The following TSPOAP1 variants were observed in gnomAD, a reference collection of about 807,000 sequenced individuals.
The protein encoded by TSPOAP1 is TSPO associated protein 1.
TSPOAP1 carries 87 observed loss-of-function variants against 197.0 expected under a neutral mutation model. The ratio of observed to expected loss-of-function variants is 0.44; its 90% CI spans 0.37 to 0.53. TSPOAP1 has a LOEUF of 0.53. Among genes scored for constraint, TSPOAP1 ranks in the 20% least tolerant of loss-of-function variants. TSPOAP1 has a pLI of 0.00. For missense variants in TSPOAP1, 2,174 were observed against 2,411.3 expected, an observed-to-expected ratio of 0.90 and a Z score of 2.06; for synonymous variants, 913 against 998.9, an observed-to-expected ratio of 0.91 and a Z score of 1.62.
intron 1 of TSPOAP1, among the ~76,000 whole-genome samples, chr17:58,327,074 C>T (rs1971640928): frequency 6.6e-6 from 1 of 152,134 alleles, no homozygotes; most frequent in Admixed American, 6.5e-5. Context: ...AGCTCGAGCT[C>T]CCACTCCCAT....
Position 58,312,334 on chromosome 17 carries a change from C to G in TSPOAP1, c.2487G>C (p.Gly829=). The G allele has an allele frequency of 6.2e-7, 1 of 1,612,640 alleles. No homozygotes were observed. Among genetic ancestry groups the G allele is most frequent in the Non-Finnish European group, 8.5e-7 (1 of 1,179,630 alleles). Residue 829 remains glycine (G), a synonymous_variant, in exon 17 of 32, where the codon GGG becomes GGC. Transcript: ENST00000343736. ...CAGGCCCCAGGGCCTGTCGCAGCTC[C>G]CCATTCACACAGATATGGAAGCCGT... The part of the protein sequence containing the change: ...ELHGFHICVN[G]ELRQALGPGA...
chr17:58,304,332 A>C lies in TSPOAP1; in HGVS notation c.*32+6T>G. 1 of 1,612,628 alleles carries C rather than the reference A, an allele frequency of 6.2e-7. No individual in the cohort carries two copies. Among genetic ancestry groups the C allele is most frequent in the Non-Finnish European group, 8.5e-7 (1 of 1,178,788 alleles). On this transcript the variant is annotated splice_donor_region_variant and intron_variant, in intron 31 of 31. Coordinates refer to ENST00000343736, the MANE Select transcript of TSPOAP1 (RefSeq NM_004758.4). The surrounding 1 kb of genome is among the most constrained non-coding windows in gnomAD (Gnocchi z 4.2). ...CGGTCACACAGGGGGGCAGTCCCCCACTTACATGTTGCTCTCTCTACATAT... is the reference window on the plus strand; with the variant it reads ...CGGTCACACAGGGGGGCAGTCCCCCCCTTACATGTTGCTCTCTCTACATAT...
At position 58,318,425 on chromosome 17, in the gene TSPOAP1, C is replaced by T. The variant is rs1598072351; in HGVS notation, c.1727G>A (p.Gly576Glu). 8 of 1,613,516 alleles carry T rather than the reference C, an allele frequency of 5.0e-6. No individual in the cohort carries two copies. The African/African-American group carries it at 9.3e-5, about 19-fold the overall frequency. The change falls in exon 14 of 32, where the codon GGG becomes GAG. Residue 576 changes from glycine to glutamate, a missense_variant. Physicochemically the swap from Gly to Glu is moderately conservative, Grantham distance 98 (BLOSUM62 -2). Transcript: ENST00000343736. ...KDLDLPPGSP[G>E]RCTPKSSEPA... ...CTCGGAAGACTTTGGGGTGCAGCGC[C>T]CAGGGGAGCCCGGCGGGAGGTCAAG...
rs150442801 is a variant in TSPOAP1 at position 58,322,223 on chromosome 17, C to T, written c.1422+85G>A. ...GTCTCCCCGACGCCTAGCACAGTGC[C>T]GGGCACACAGTAAATGCTTGTGGAA... is the stretch of plus-strand genomic sequence containing the variant. On this transcript the variant is annotated intron_variant, in intron 10 of 31. Coordinates refer to ENST00000343736, the MANE Select transcript of TSPOAP1 (RefSeq NM_004758.4). The surrounding 1 kb of genome is among the most constrained non-coding windows in gnomAD (Gnocchi z 5.0). 5.3e-4 allele frequency: 723 copies of T among 1,372,484 alleles called. 1 individual carries two copies. In the African/African-American group the frequency reaches 8.8e-3, roughly 17 times the overall value. 85.0% of individuals were successfully genotyped at this position (1,372,484 alleles called of 1,614,324 possible).
rs1567852961 is a variant in TSPOAP1 at position 58,326,768 on chromosome 17, C to G, written c.356G>C (p.Gly119Ala). ...FLKAKLNMSFGDRPNLELLRA... is the reference protein window; with the variant it reads ...FLKAKLNMSFADRPNLELLRA... ...CAGCAGCTCCAGATTGGGCCTGTCC[C>G]CAAAGCTCATATTCAGCTTGGCCTG... is the stretch of plus-strand genomic sequence containing the variant. The change falls in exon 2 of 32, where the codon GGG becomes GCG. Residue 119 changes from glycine to alanine, a missense_variant. Around this residue, in one of 5 missense-constraint regions of TSPOAP1, gnomAD observed 1,933 missense variants for 2,139.0 expected, o/e 0.90. Transcript: ENST00000343736. This position sits in a 1 kb window ranked among gnomAD's most constrained non-coding sequence, Gnocchi z 4.7. 1 of 1,614,088 alleles carries G rather than the reference C, an allele frequency of 6.2e-7. No individual in the cohort carries two copies. Among genetic ancestry groups the G allele is most frequent in the Non-Finnish European group, 8.5e-7 (1 of 1,180,004 alleles).
At chr17:58,315,932 A>ATGG (rs1567845184) in intron 16 of TSPOAP1, 91 bp downstream of exon 16, 43 of 608,918 alleles carry the variant, frequency 7.1e-5, no homozygotes, top group African/African-American at 9.8e-5. Flanking sequence ...TGGATGGATG[A>ATGG]ATGGATGGAT....
Position 58,324,668 on chromosome 17 carries a change from C to T in TSPOAP1, c.942+143G>A. On this transcript the variant is annotated intron_variant, in intron 5 of 31. Transcript: ENST00000343736. The surrounding 1 kb of genome is among the most constrained non-coding windows in gnomAD (Gnocchi z 5.8). ...GCTTGGAGGTGGACCCTGCCCAGGA[C>T]GGGAAAGCTCCCCAGCCCCTGGGAG... is the stretch of plus-strand genomic sequence containing the variant. The T allele has an allele frequency of 1.5e-6, 1 of 679,724 alleles. No individual in the cohort carries two copies. Among genetic ancestry groups the T allele is most frequent in the Middle Eastern group, 4.4e-4 (1 of 2,266 alleles). The allele number at this position is 679,724 out of a possible 1,614,324, so 42.1% of individuals were successfully genotyped here.
chr17:58,312,358 G>A lies in TSPOAP1; in HGVS notation c.2463C>T (p.His821=), dbSNP rs201065866. Residue 821 remains histidine (H), a synonymous_variant, in exon 17 of 32, where the codon CAC becomes CAT. Transcript: ENST00000343736. ...WEPPPEQVEL[H]GFHICVNGEL... ...CCCCATTCACACAGATATGGAAGCC[G>A]TGTAGCTCCACTTGCTCAGGAGGCG... 1.5e-5 allele frequency: 24 copies of A among 1,612,168 alleles called. No individual in the cohort carries two copies. The highest frequency in any genetic ancestry group is 6.7e-5 in the East Asian group (3 of 44,862).
chr17:58,307,084 C>T, intron 24 of TSPOAP1, 116 bp from the exon 25 acceptor site: 1 of 1,147,116 alleles, frequency 8.7e-7, no homozygotes, highest in Non-Finnish European at 1.2e-6. Context: ...TTTTGTATGC[C>T]ATGAAATGGG....
intron 15 of TSPOAP1, 106 bp downstream of exon 15, chr17:58,316,319 C>T: frequency 8.7e-7 from 1 of 1,152,800 alleles, no homozygotes; most frequent in Non-Finnish European, 1.3e-6. Flanking sequence ...TCCATTGTGT[C>T]CTGTACTGCC....
chr17:58,308,870 C>T lies in TSPOAP1; in HGVS notation c.4402G>A (p.Gly1468Ser), dbSNP rs61730226. The T allele has an allele frequency of 9.7e-5, 156 of 1,605,354 alleles. 1 individual carries two copies. In the Middle Eastern group the frequency reaches 1.2e-3, roughly 12 times the overall value. ...PRTGLEASGR[G>S]RLGPSRRCSR... Reference sequence around the variant, plus strand: ...CACCTCCGGGAAGGGCCCAGCCGGCCTCTCCCGCTAGCCTCTAGTCCAGTC... The same window carrying T: ...CACCTCCGGGAAGGGCCCAGCCGGCTTCTCCCGCTAGCCTCTAGTCCAGTC... The change falls in exon 22 of 32, where the codon GGC (glycine) becomes AGC (serine). Residue 1468 changes from glycine (G) to serine (S), a missense_variant. Physicochemically the swap from Gly to Ser is moderately conservative, Grantham distance 56 (BLOSUM62 0). Coordinates refer to ENST00000343736, the MANE Select transcript of TSPOAP1 (RefSeq NM_004758.4).
rs1315716606 is a variant in TSPOAP1, at chr17:58,304,539, T to A, written c.5545-140A>T. On this transcript the variant is annotated intron_variant, in intron 30 of 31. Transcript: ENST00000343736. The surrounding 1 kb of genome is among the most constrained non-coding windows in gnomAD (Gnocchi z 4.2). The stretch of plus-strand genomic sequence containing the variant: ...TCACACATGGAAGCCCTGAGTTTTC[T>A]GGCTGGGGCTTGGCCTCTTCACCCT... The A allele has an allele frequency of 5.6e-6, 4 of 708,934 alleles. No homozygotes were observed. Among genetic ancestry groups the A allele is most frequent in the Non-Finnish European group, 1.0e-5 (4 of 390,518 alleles). 43.9% of individuals were successfully genotyped at this position (708,934 alleles called of 1,614,324 possible). A position where few individuals can be genotyped will look rare whatever the true frequency, so the allele number is the denominator to read the frequency against.
In TSPOAP1 at chr17:58,312,252, T is replaced by C. The variant is rs145049537; in HGVS notation, c.2569A>G (p.Ile857Val). 2.5e-3 allele frequency: 4,099 copies of C among 1,612,470 alleles called. 36 individuals are homozygous for C. The highest frequency in any genetic ancestry group is 0.013 in the South Asian group (1,203 of 91,038). The change falls in exon 17 of 32, where the codon ATT becomes GTT. Residue 857 changes from isoleucine (I) to valine (V), a missense_variant. Ile to Val is a conservative substitution (Grantham distance 29). Around this residue, in one of 5 missense-constraint regions of TSPOAP1, gnomAD observed 1,933 missense variants for 2,139.0 expected, o/e 0.90. Coordinates refer to ENST00000343736, the MANE Select transcript of TSPOAP1 (RefSeq NM_004758.4). ...NLDLWAGPLH[I>V]SVQALTSRGS... ...CGGCTAGTCAGGGCCTGGACAGAAA[T>C]GTGAAGGGGCCCGGCCCACAGGTCC...
At chr17:58,305,003 C>T (rs1253296576) in intron 30 of TSPOAP1, 58 bp downstream of exon 30, 2 of 1,364,126 alleles carry the variant, frequency 1.5e-6, no homozygotes, top group Non-Finnish European at 2.1e-6. Context: ...CCTGGCCCTA[C>T]CACCCCACCA....
intron 20 of TSPOAP1, 124 bp downstream of exon 20, chr17:58,310,388 A>G (rs1318414889): frequency 1.3e-5 from 18 of 1,422,168 alleles, no homozygotes; most frequent in African/African-American, 4.3e-5. Flanking sequence ...TAGCACAGCC[A>G]AAGGTGTGAG....
chr17:58,318,132 G>T, intron 14 of TSPOAP1, 148 bp downstream of exon 14: 1 of 1,018,374 alleles, frequency 9.8e-7, no homozygotes, highest in Non-Finnish European at 1.4e-6. Context: ...CTCGCCCACA[G>T]GAGGAATCCA....
rs745867748 is a variant in TSPOAP1, at chr17:58,316,037, T to A, written c.2084A>T (p.Asp695Val). 2 of 1,613,810 alleles carry A rather than the reference T, an allele frequency of 1.2e-6. No homozygotes were observed. Among genetic ancestry groups the A allele is most frequent in the Non-Finnish European group, 1.7e-6 (2 of 1,179,842 alleles). Reference sequence around the variant, plus strand: ...TACATTCCTACCTTCAAAAAAGCCATCCTCATCCATGTTGCCATAGATGTA... The same window carrying A: ...TACATTCCTACCTTCAAAAAAGCCAACCTCATCCATGTTGCCATAGATGTA... ...YIYIYGNMDE[D>V]GFFEGELMDG... is the part of the protein sequence containing the mutation. Residue 695 changes from aspartate to valine, a missense_variant, in exon 16 of 32, where the codon GAT becomes GTT. Transcript: ENST00000343736.
intron 31 of TSPOAP1, chr17:58,302,763 C>T (rs1181564579): frequency 6.2e-6 from 1 of 160,956 alleles, no homozygotes; most frequent in Admixed American, 6.0e-5. Flanking sequence ...CCCAAGAGTT[C>T]TTGGAACCTG....
At position 58,304,442 on chromosome 17, in the gene TSPOAP1, C is replaced by G. The variant is rs1235266083; in HGVS notation, c.5545-43G>C. The G allele has an allele frequency of 6.4e-7, 1 of 1,556,852 alleles. No individual in the cohort carries two copies. The highest frequency in any genetic ancestry group is 8.9e-7 in the Non-Finnish European group (1 of 1,128,188). ...AGAGAGGAGATGGGTTACCGACAGA[C>G]CCGCACCTTCTCCGCCCGGCCACCA... On this transcript the variant is annotated intron_variant, in intron 30 of 31. Coordinates refer to ENST00000343736, the MANE Select transcript of TSPOAP1 (RefSeq NM_004758.4). This position sits in a 1 kb window ranked among gnomAD's most constrained non-coding sequence, Gnocchi z 4.2.
Sources: gnomAD v4.1 joint callset for allele counts (sites outside exome capture counted in the v4.1 genomes callset) on GRCh38, gnomAD v4.1.1 for gene constraint, gnomAD v4.1.1 regional missense constraint, Gnocchi (gnomAD v3.1) non-coding constraint, MANE v1.5 for transcripts, NCBI Gene and HGNC (gene_info 2026-07-23, HGNC 2026-07-21) for gene names.